SLC25A26: variants seen among roughly 807,000 people sequenced by gnomAD.
SLC25A26 encodes mitochondrial S-adenosylmethionine carrier protein.
A neutral mutation model predicts 37.8 loss-of-function variants in SLC25A26; 36 were observed. The observed-to-expected ratio is 0.95, with a 90% confidence interval of 0.73 to 1.26. SLC25A26 has a LOEUF of 1.26. Ranked by LOEUF, SLC25A26 falls within the 50% of genes most tolerant of loss-of-function variation. SLC25A26 has a pLI of 0.00. For synonymous variants in SLC25A26, 129 were observed against 122.5 expected (o/e 1.05, Z -0.35); for missense variants, 390 against 331.1 (o/e 1.18, Z -1.38).
intron 1 of SLC25A26, among the ~76,000 whole-genome samples, chr3:66,209,898 T>TATATATTTATATATATATATATA (rs2071256377): frequency 1.0e-4 from 4 of 38,608 alleles, no homozygotes; most frequent in African/African-American, 3.5e-4. Context: ...CTCTCTCTAT[T>TATATATTTATATATATATATATA]TATATATATA....
chr3:66,281,342 C>A (rs551622183), intron 5 of SLC25A26, among the ~76,000 whole-genome samples: 1 of 152,116 alleles, frequency 6.6e-6, no homozygotes, highest in Non-Finnish European at 1.5e-5. Context: ...GCAATCTATG[C>A]GGTAATATTT....
chr3:66,209,456 G>A (rs1228196518), intron 1 of SLC25A26, among the ~76,000 whole-genome samples: 3 of 134,762 alleles, frequency 2.2e-5, no homozygotes, highest in East Asian at 4.6e-4. Flanking sequence ...TATATATAAA[G>A]GTGTATATAT....
At chr3:66,302,509 AT>A (rs2075105291) in intron 5 of SLC25A26, among the ~76,000 whole-genome samples, 3 of 152,172 alleles carry the variant, frequency 2.0e-5, no homozygotes, top group Middle Eastern at 3.4e-3. Flanking sequence ...CATCGATATC[AT>A]TTTTTTGGGT....
At chr3:66,239,816 C>CTTTCT (rs1307043180) in intron 2 of SLC25A26, among the ~76,000 whole-genome samples, 3 of 110,182 alleles carry the variant, frequency 2.7e-5, no homozygotes, top group African/African-American at 3.5e-5. Context: ...TCCTTTCTTT[C>CTTTCT]TTTTTTTTTT....
intron 5 of SLC25A26, among the ~76,000 whole-genome samples, chr3:66,306,427 C>G (rs562187911): frequency 3.9e-5 from 6 of 152,164 alleles, no homozygotes; most frequent in African/African-American, 1.4e-4. Context: ...TGAGAAGTGT[C>G]TTTTCATGTC....
intron 1 of SLC25A26, among the ~76,000 whole-genome samples, chr3:66,209,901 TATATATATATATATATATATATATA>T (rs2071258621): frequency 0.044 from 639 of 14,484 alleles, 61 homozygotes; most frequent in African/African-American, 0.11. Flanking sequence ...TCTCTATTTA[TATATATATATATATATATATATATA>T]TATATATATA....
chr3:66,322,968 A>G lies in SLC25A26; in HGVS notation c.454-23396A>G, dbSNP rs566180112. 3.3e-5 allele frequency among the ~76,000 whole-genome samples: 5 copies of G among 152,346 alleles called. No homozygotes were observed. In the South Asian group the frequency reaches 6.2e-4, roughly 19 times the overall value. ...TTTTAATTATTACAGTTTATATTGC[A>G]TCAAAATGTAAATTTCAAGATAAGT... On this transcript the variant is annotated intron_variant, in intron 5 of 9. Coordinates refer to ENST00000354883, the MANE Select transcript of SLC25A26 (RefSeq NM_001379210.1).
intron 1 of SLC25A26, among the ~76,000 whole-genome samples, chr3:66,196,702 C>G (rs988897866): frequency 8.2e-6 from 1 of 121,946 alleles, no homozygotes; most frequent in East Asian, 2.0e-4. Flanking sequence ...ACTGCAATAA[C>G]TTTAAAAAAA....
chr3:66,192,519 G>A (rs2070966123), intron 1 of SLC25A26, among the ~76,000 whole-genome samples: 2 of 152,134 alleles, frequency 1.3e-5, no homozygotes, highest in African/African-American at 4.8e-5. Context: ...CAGCCACTCA[G>A]TCTACGGTAT....
intron 1 of SLC25A26, among the ~76,000 whole-genome samples, chr3:66,203,023 T>C (rs2106816473): frequency 6.6e-6 from 1 of 152,228 alleles, no homozygotes; most frequent in East Asian, 1.9e-4. Context: ...TTTATATTAA[T>C]ATAATTCGTA....
intron 5 of SLC25A26, among the ~76,000 whole-genome samples, chr3:66,311,529 C>T (rs1009492334): frequency 6.6e-6 from 1 of 151,916 alleles, no homozygotes; most frequent in Non-Finnish European, 1.5e-5. Flanking sequence ...AGTTTTGTTC[C>T]CTTGCTGGTG....
Position 66,265,427 on chromosome 3 carries a change from A to C in SLC25A26, c.453+2048A>C, listed in dbSNP as rs1279503441. Among the ~76,000 whole-genome samples the C allele has an allele frequency of 2.6e-5, 4 of 152,382 alleles. No individual in the cohort carries two copies. In the East Asian group the frequency reaches 7.7e-4, roughly 29 times the overall value. ...AAGTTCGTTTTCAGATAGGTGAGAT[A>C]TAAGAGAAGTCTGGTTTGGGACACA... On this transcript the variant is annotated intron_variant, in intron 5 of 9. Coordinates refer to ENST00000354883, the MANE Select transcript of SLC25A26 (RefSeq NM_001379210.1).
intron 1 of SLC25A26, among the ~76,000 whole-genome samples, chr3:66,163,326 G>A (rs573516206): frequency 6.6e-6 from 1 of 152,146 alleles, no homozygotes; most frequent in African/African-American, 2.4e-5. Context: ...TAGACGTGTT[G>A]CAGAGAACCA....
At chr3:66,324,489 T>C (rs368576300) in intron 5 of SLC25A26, among the ~76,000 whole-genome samples, 44 of 152,224 alleles carry the variant, frequency 2.9e-4, no homozygotes, top group African/African-American at 9.6e-4. Flanking sequence ...TTAGGAATCT[T>C]GTGGCCTCTG....
intron 5 of SLC25A26, among the ~76,000 whole-genome samples, chr3:66,282,257 C>T (rs371917631): frequency 2.1e-4 from 32 of 151,804 alleles, no homozygotes; most frequent in Non-Finnish European, 4.0e-4. Context: ...ATGATCCACC[C>T]GCCTCGGCCT....
chr3:66,282,303 G>A (rs990950254), intron 5 of SLC25A26, among the ~76,000 whole-genome samples: 6 of 152,052 alleles, frequency 3.9e-5, no homozygotes, highest in South Asian at 2.1e-4. Flanking sequence ...GAGCCACCGC[G>A]CCCGGCCTGA....
chr3:66,376,938 TTCC>T (rs1168701076), intron 9 of SLC25A26, among the ~76,000 whole-genome samples: 2 of 152,194 alleles, frequency 1.3e-5, no homozygotes, highest in Non-Finnish European at 2.9e-5. Context: ...ATCTGTAGAT[TTCC>T]TCATCTTTAT....
intron 6 of SLC25A26, among the ~76,000 whole-genome samples, chr3:66,357,319 C>T (rs1024624639): frequency 2.0e-5 from 3 of 152,092 alleles, no homozygotes; most frequent in South Asian, 2.1e-4. Flanking sequence ...GAGGCTGAGG[C>T]GGGAAGATCG....
chr3:66,303,019 C>CCT (rs1005271022), intron 5 of SLC25A26, among the ~76,000 whole-genome samples: 5 of 152,152 alleles, frequency 3.3e-5, no homozygotes, highest in African/African-American at 9.7e-5. Flanking sequence ...GCATCCCTGG[C>CCT]CTCTACCCAC....
Sources: gnomAD v4.1 joint callset for allele counts (sites outside exome capture counted in the v4.1 genomes callset) on GRCh38, gnomAD v4.1.1 for gene constraint, MANE v1.5 for transcripts, NCBI Gene and HGNC (gene_info 2026-07-23, HGNC 2026-07-21) for gene names.